CADM2: variants seen among roughly 807,000 people sequenced by gnomAD.
CADM2 encodes cell adhesion molecule 2, also known as immunoglobulin superfamily member 4D.
Under a neutral mutation model 49.8 loss-of-function variants are expected in CADM2, and 12 were observed. The observed-to-expected ratio is 0.24, with a 90% CI of 0.15 to 0.39. The LOEUF (loss-of-function observed/expected upper bound fraction) is 0.39, where lower values mean the gene tolerates loss of function less well. CADM2 is among the 10% of genes least tolerant of loss of function. The pLI is 1.00. For missense variants in CADM2, 378 were observed against 492.3 expected, an observed-to-expected ratio of 0.77 and a Z score of 2.20; for synonymous variants, 214 against 175.4, an observed-to-expected ratio of 1.22 and a Z score of -1.74.
intron 8 of CADM2, among the ~76,000 whole-genome samples, chr3:86,043,122 C>T (rs571668896): frequency 3.3e-5 from 5 of 152,240 alleles, no homozygotes; most frequent in African/African-American, 4.8e-5. Flanking sequence ...CAGCCAATAT[C>T]GTACTGAATG....
chr3:85,266,579 A>G (rs532684972), intron 1 of CADM2, among the ~76,000 whole-genome samples: 9 of 56,988 alleles, frequency 1.6e-4, no homozygotes, highest in Non-Finnish European at 3.1e-4. Flanking sequence ...GTGATAATGA[A>G]GAATTATTTT....
At chr3:85,716,201 A>C (rs2067287568) in intron 1 of CADM2, among the ~76,000 whole-genome samples, 1 of 152,170 alleles carries the variant, frequency 6.6e-6, no homozygotes, top group Non-Finnish European at 1.5e-5. Context: ...CACCATTCTA[A>C]CTGCCATGAG....
At chr3:85,827,293 AATGTT>A (rs2073961881) in intron 3 of CADM2, among the ~76,000 whole-genome samples, 2 of 151,978 alleles carry the variant, frequency 1.3e-5, no homozygotes, top group Non-Finnish European at 2.9e-5. Flanking sequence ...TCTCTTTTCA[AATGTT>A]ATAGTAGGTG....
At chr3:85,183,178 AGAG>A (rs1455249914) in intron 1 of CADM2, among the ~76,000 whole-genome samples, 1 of 152,168 alleles carries the variant, frequency 6.6e-6, no homozygotes, top group Non-Finnish European at 1.5e-5. Context: ...TTAAGGCATT[AGAG>A]GCTAAAATCT....
At position 85,431,802 on chromosome 3, in the gene CADM2, A is replaced by G. The variant is rs544658340; in HGVS notation, c.62-294720A>G. ...ATTGAGAGGGGAAAAAAAAGAAATA[A>G]AAGTACTTTTGAGCTAGCTCCAGCT... On this transcript the variant is annotated intron_variant, in intron 1 of 9. Transcript: ENST00000383699. 4.5e-5 allele frequency among the ~76,000 whole-genome samples: 6 copies of G among 132,576 alleles called. No homozygotes were observed. The East Asian group carries it at 1.4e-3, about 31-fold the overall frequency. The allele number at this position is 132,576 out of a possible 152,430, so 87.0% of individuals were successfully genotyped here.
At chr3:85,312,745 A>G (rs2107058588) in intron 1 of CADM2, among the ~76,000 whole-genome samples, 1 of 152,306 alleles carries the variant, frequency 6.6e-6, no homozygotes, top group East Asian at 1.9e-4. Context: ...TGGGGAATAA[A>G]TCCATTTATA....
intron 5 of CADM2, among the ~76,000 whole-genome samples, chr3:85,909,026 C>T (rs1320576056): frequency 2.0e-5 from 3 of 151,964 alleles, no homozygotes; most frequent in Non-Finnish European, 2.9e-5. Flanking sequence ...GCCCGGCCTA[C>T]AGTTGTGATT....
At chr3:85,731,075 A>G (rs1296369610) in intron 2 of CADM2, among the ~76,000 whole-genome samples, 2 of 152,182 alleles carry the variant, frequency 1.3e-5, no homozygotes, top group Non-Finnish European at 2.9e-5. Flanking sequence ...AGTAATAGTC[A>G]TACATAATAT....
At chr3:85,650,941 T>C (rs76291986) in intron 1 of CADM2, among the ~76,000 whole-genome samples, 4,113 of 147,800 alleles carry the variant, frequency 0.028, 85 homozygotes, top group Middle Eastern at 0.069. Context: ...AAATGCATGC[T>C]GATGGCTTGA....
chr3:85,066,100 C>T (rs962954298), intron 1 of CADM2, among the ~76,000 whole-genome samples: 14 of 151,892 alleles, frequency 9.2e-5, no homozygotes, highest in African/African-American at 3.4e-4. Context: ...AAAGAAAAAA[C>T]GTAAGAGACA....
chr3:85,046,141 A>T (rs1559633147), intron 1 of CADM2, among the ~76,000 whole-genome samples: 1 of 152,064 alleles, frequency 6.6e-6, no homozygotes, highest in Admixed American at 6.6e-5. Flanking sequence ...AAGTTTAATA[A>T]TTCTGACTAC....
chr3:85,940,164 C>CAAAAAAAA (rs10527231), intron 7 of CADM2, among the ~76,000 whole-genome samples: 4 of 52,148 alleles, frequency 7.7e-5, no homozygotes, highest in Non-Finnish European at 1.2e-4. Context: ...ACTAAAAATA[C>CAAAAAAAA]AAAAAAAAAA....
At chr3:85,431,574 A>G (rs892365) in intron 1 of CADM2, among the ~76,000 whole-genome samples, 130,623 of 151,234 alleles carry the variant, frequency 0.86, 56,559 homozygotes, top group East Asian at 0.95. Context: ...ACAGTGAAGC[A>G]GCAAATTTGT....
At chr3:85,578,059 G>C (rs1037571347) in intron 1 of CADM2, among the ~76,000 whole-genome samples, 1 of 99,472 alleles carries the variant, frequency 1.0e-5, no homozygotes, top group Non-Finnish European at 2.0e-5. Context: ...CTTATTTTAT[G>C]TTGTTTATTT....
At chr3:85,148,028 T>C (rs764416574) in intron 1 of CADM2, among the ~76,000 whole-genome samples, 1 of 152,226 alleles carries the variant, frequency 6.6e-6, no homozygotes, top group African/African-American at 2.4e-5. Flanking sequence ...TTAGAAGTTA[T>C]AAACTTTGTA....
intron 1 of CADM2, among the ~76,000 whole-genome samples, chr3:85,231,540 C>T (rs1008277113): frequency 6.6e-6 from 1 of 151,912 alleles, no homozygotes; most frequent in Non-Finnish European, 1.5e-5. Context: ...CAATATTTCT[C>T]CTCTTGAGCC....
intron 1 of CADM2, among the ~76,000 whole-genome samples, chr3:85,539,609 T>C (rs1007337143): frequency 1.2e-4 from 18 of 152,156 alleles, no homozygotes; most frequent in African/African-American, 4.3e-4. Context: ...GGTAATTTAA[T>C]TAAATCCTTA....
At chr3:85,726,119 C>T (rs544853507) in intron 1 of CADM2, among the ~76,000 whole-genome samples, 13 of 151,802 alleles carry the variant, frequency 8.6e-5, no homozygotes, top group Non-Finnish European at 1.5e-4. Flanking sequence ...ATGGAAGTGG[C>T]CTGCTTTTCT....
chr3:85,391,512 G>A (rs915886151), intron 1 of CADM2, among the ~76,000 whole-genome samples: 1 of 149,532 alleles, frequency 6.7e-6, no homozygotes, highest in African/African-American at 2.4e-5. Context: ...CTTCAGGCAA[G>A]GCAGAGACCG....
Sources: allele counts gnomAD v4.1 joint callset (sites outside exome capture counted in the v4.1 genomes callset), GRCh38; gene constraint gnomAD v4.1.1; transcripts MANE v1.5; gene names NCBI Gene and HGNC (gene_info 2026-07-23, HGNC 2026-07-21).